Variants in SPIDR observed in about 807,000 individuals in gnomAD.
The protein encoded by SPIDR is DNA repair-scaffolding protein.
A neutral mutation model predicts 104.6 loss-of-function variants in SPIDR; 93 were observed. The ratio of observed to expected loss-of-function variants is 0.89; its 90% CI spans 0.75 to 1.06. The LOEUF (loss-of-function observed/expected upper bound fraction) is 1.06. Ranked by LOEUF, SPIDR falls within the 50% of genes least tolerant of loss-of-function variation. The pLI is 0.00. For synonymous variants in SPIDR, 431 were observed against 416.9 expected (o/e 1.03, Z -0.41); for missense variants, 1,154 against 1,111.2 (o/e 1.04, Z -0.55).
At chr8:47,497,629 A>G (rs986899521) in intron 8 of SPIDR, among the ~76,000 whole-genome samples, 8 of 152,206 alleles carry the variant, frequency 5.3e-5, no homozygotes, top group Admixed American at 2.0e-4. Flanking sequence ...GAGAATGTCT[A>G]TGTGCACTTA....
intron 7 of SPIDR, among the ~76,000 whole-genome samples, chr8:47,437,401 T>C (rs2154342117): frequency 6.6e-6 from 1 of 152,224 alleles, no homozygotes; most frequent in East Asian, 1.9e-4. Context: ...ATTTCATCCA[T>C]GTCCCTACAA....
At chr8:47,705,463 A>G (rs2080946135) in intron 14 of SPIDR, among the ~76,000 whole-genome samples, 1 of 152,200 alleles carries the variant, frequency 6.6e-6, no homozygotes, top group African/African-American at 2.4e-5. Context: ...GTGTAAAAGA[A>G]TCACCAGAAA....
intron 11 of SPIDR, among the ~76,000 whole-genome samples, chr8:47,676,637 T>C (rs2154473592): frequency 6.6e-6 from 1 of 152,252 alleles, no homozygotes; most frequent in East Asian, 1.9e-4. Flanking sequence ...TGATTAATTT[T>C]ATAATTTCAG....
At chr8:47,426,033 A>G (rs1554684468) in intron 7 of SPIDR, among the ~76,000 whole-genome samples, 1 of 150,656 alleles carries the variant, frequency 6.6e-6, no homozygotes, top group African/African-American at 2.4e-5. Context: ...TCACGAGGTC[A>G]GGAGTTCAAG....
At chr8:47,625,376 G>T (rs1166440338) in intron 10 of SPIDR, among the ~76,000 whole-genome samples, 1 of 152,228 alleles carries the variant, frequency 6.6e-6, no homozygotes, top group South Asian at 2.1e-4. Context: ...AGTGTTGGAA[G>T]TTCTGGCCAG....
intron 10 of SPIDR, 71 bp downstream of exon 10, chr8:47,599,267 C>T: frequency 6.4e-7 from 1 of 1,568,584 alleles, no homozygotes; most frequent in East Asian, 2.3e-5. Flanking sequence ...GAAAGTGGAG[C>T]CTCTTCTCAG....
intron 8 of SPIDR, among the ~76,000 whole-genome samples, chr8:47,557,755 A>G (rs2091488835): frequency 6.6e-6 from 1 of 152,210 alleles, no homozygotes; most frequent in Non-Finnish European, 1.5e-5. Context: ...CCTTTGGTAT[A>G]TCACTAAAGA....
At chr8:47,331,965 C>CTTTTTTTTTTTTTTTTTTT (rs1183447584) in intron 5 of SPIDR, among the ~76,000 whole-genome samples, 7 of 32,702 alleles carry the variant, frequency 2.1e-4, no homozygotes, top group Admixed American at 1.1e-3. Context: ...TTTTTTTAAA[C>CTTTTTTTTTTTTTTTTTTT]TTTTTTTTTT....
At chr8:47,635,333 C>G (rs959342971) in intron 10 of SPIDR, among the ~76,000 whole-genome samples, 1 of 151,982 alleles carries the variant, frequency 6.6e-6, no homozygotes. Flanking sequence ...GACAGAGTGA[C>G]TGTCTCAAAA....
intron 7 of SPIDR, among the ~76,000 whole-genome samples, chr8:47,416,843 T>C (rs1554675748): frequency 6.6e-6 from 1 of 152,166 alleles, no homozygotes; most frequent in Non-Finnish European, 1.5e-5. Context: ...TTCTCATTGT[T>C]CAGTTCCCAC....
intron 8 of SPIDR, among the ~76,000 whole-genome samples, chr8:47,466,887 G>GA (rs148299700): frequency 0.21 from 10,214 of 48,554 alleles, 795 homozygotes; most frequent in East Asian, 0.31. Context: ...AGTTTTTTTT[G>GA]AAAAAAAAAA....
intron 5 of SPIDR, among the ~76,000 whole-genome samples, chr8:47,359,224 G>A (rs2055209696): frequency 1.4e-5 from 2 of 147,466 alleles, no homozygotes; most frequent in African/African-American, 5.0e-5. Context: ...CCGCAGTCCG[G>A]CCTGGGCGAC....
rs538877434 is a variant in SPIDR at position 47,404,746 on chromosome 8, C to G, written c.777-3115C>G. On this transcript the variant is annotated intron_variant, in intron 6 of 19. Coordinates refer to ENST00000297423, the MANE Select transcript of SPIDR (RefSeq NM_001080394.4). Reference sequence around the variant, plus strand: ...GGAGAGAAATAGGAACACTTTTACACTGTTGGTGGGACTGTAAACTGGTTC... The same window carrying G: ...GGAGAGAAATAGGAACACTTTTACAGTGTTGGTGGGACTGTAAACTGGTTC... 9.2e-5 allele frequency among the ~76,000 whole-genome samples: 14 copies of G among 152,324 alleles called. No individual in the cohort carries two copies. In the South Asian group the frequency reaches 2.9e-3, roughly 32 times the overall value.
intron 8 of SPIDR, among the ~76,000 whole-genome samples, chr8:47,512,570 G>T (rs1014224819): frequency 1.3e-5 from 2 of 152,156 alleles, no homozygotes; most frequent in Non-Finnish European, 1.5e-5. Flanking sequence ...TCTCCCAGTG[G>T]TTTTGCTGGA....
intron 8 of SPIDR, among the ~76,000 whole-genome samples, chr8:47,549,914 C>A (rs2090159968): frequency 6.6e-6 from 1 of 152,168 alleles, no homozygotes; most frequent in African/African-American, 2.4e-5. Flanking sequence ...ACATTTAAGT[C>A]TTTAATCCAT....
chr8:47,366,384 A>G (rs1249803273), intron 5 of SPIDR, among the ~76,000 whole-genome samples: 1 of 152,140 alleles, frequency 6.6e-6, no homozygotes, highest in Non-Finnish European at 1.5e-5. Context: ...AGAGGAGAGC[A>G]TGGAGCACAG....
intron 1 of SPIDR, among the ~76,000 whole-genome samples, chr8:47,274,528 A>T (rs2035976141): frequency 6.6e-6 from 1 of 151,714 alleles, no homozygotes; most frequent in East Asian, 1.9e-4. Flanking sequence ...CCCTTGATTG[A>T]TAGTTTGGCC....
chr8:47,571,931 G>C (rs1319540477), intron 8 of SPIDR, among the ~76,000 whole-genome samples: 2 of 152,244 alleles, frequency 1.3e-5, no homozygotes, highest in African/African-American at 4.8e-5. Flanking sequence ...CCGTGGATGA[G>C]AGAACACTGT....
chr8:47,511,372 T>C, intron 8 of SPIDR: 1 of 981,380 alleles, frequency 1.0e-6, no homozygotes, highest in Middle Eastern at 2.1e-4. Context: ...GCTCGGTGTC[T>C]GACCCTCGCC....
Sources: gnomAD v4.1 joint callset for allele counts (sites outside exome capture counted in the v4.1 genomes callset) on GRCh38, gnomAD v4.1.1 for gene constraint, MANE v1.5 for transcripts, NCBI Gene and HGNC (gene_info 2026-07-23, HGNC 2026-07-21) for gene names.